Variants in MAP4K3 observed in about 807,000 individuals in gnomAD.
MAP4K3 encodes MAPK/ERK kinase kinase kinase 3.
In MAP4K3, 94 loss-of-function variants were observed where a neutral mutation model predicts 143.5. The observed-to-expected ratio is 0.65, with a 90% confidence interval of 0.55 to 0.78. MAP4K3 has a LOEUF of 0.78. Among genes scored for constraint, MAP4K3 ranks in the 30% least tolerant of loss-of-function variants. The pLI is 0.00. For synonymous variants in MAP4K3, 416 were observed against 347.2 expected (o/e 1.20, Z -2.20); for missense variants, 1,077 against 1,068.1 (o/e 1.01, Z -0.12).
chr2:39,428,374 T>C (rs543221583), intron 1 of MAP4K3, among the ~76,000 whole-genome samples: 2 of 152,338 alleles, frequency 1.3e-5, no homozygotes, highest in South Asian at 4.1e-4. Flanking sequence ...TTTTATAAGG[T>C]ATTTGTTATA....
At chr2:39,360,979 C>G (rs1186379312) in intron 2 of MAP4K3, among the ~76,000 whole-genome samples, 1 of 152,116 alleles carries the variant, frequency 6.6e-6, no homozygotes, top group African/African-American at 2.4e-5. Flanking sequence ...TGAAAAGGTC[C>G]CTTATTTCTG....
At chr2:39,287,349 A>G (rs1681834628) in intron 20 of MAP4K3, among the ~76,000 whole-genome samples, 1 of 151,262 alleles carries the variant, frequency 6.6e-6, no homozygotes, top group African/African-American at 2.4e-5. Context: ...GCTAGAGTGC[A>G]ATGGCGTGAT....
chr2:39,361,087 A>G (rs569521025), intron 2 of MAP4K3, among the ~76,000 whole-genome samples: 13 of 152,302 alleles, frequency 8.5e-5, no homozygotes, highest in African/African-American at 3.1e-4. Context: ...ATCTAATTAT[A>G]AAACTTGGTT....
At chr2:39,364,363 ATATT>A (rs1289504746) in intron 2 of MAP4K3, among the ~76,000 whole-genome samples, 1 of 152,258 alleles carries the variant, frequency 6.6e-6, no homozygotes, top group African/African-American at 2.4e-5. Context: ...ACTGTACTAA[ATATT>A]TAAATTTGTT....
chr2:39,255,909 G>C (rs1319284017), intron 31 of MAP4K3, among the ~76,000 whole-genome samples: 4 of 152,018 alleles, frequency 2.6e-5, no homozygotes, highest in African/African-American at 9.7e-5. Flanking sequence ...CTGAACCTGT[G>C]GATTAACTGA....
chr2:39,254,360 C>A (rs1680264619), intron 32 of MAP4K3, 90 bp downstream of exon 32: 1 of 1,023,226 alleles, frequency 9.8e-7, no homozygotes, highest in Non-Finnish European at 1.5e-6. Flanking sequence ...GTTAGCCAAT[C>A]AAGCATTACT....
intron 32 of MAP4K3, among the ~76,000 whole-genome samples, chr2:39,253,664 T>G: frequency 6.6e-6 from 1 of 152,196 alleles, no homozygotes; most frequent in East Asian, 1.9e-4. Context: ...TTGCTTACTT[T>G]GTTAGAAATA....
At chr2:39,261,798 C>T (rs1339912750) in intron 28 of MAP4K3, among the ~76,000 whole-genome samples, 1 of 151,986 alleles carries the variant, frequency 6.6e-6, no homozygotes, top group African/African-American at 2.4e-5. Flanking sequence ...AAAAGCCAGA[C>T]ACAAATGAAC....
At chr2:39,404,617 C>CTTTTTTTTTTTTT (rs1174319224) in intron 1 of MAP4K3, among the ~76,000 whole-genome samples, 1 of 86,144 alleles carries the variant, frequency 1.2e-5, no homozygotes, top group African/African-American at 4.7e-5. Context: ...TTCTTTCTTT[C>CTTTTTTTTTTTTT]TTTTTTTTTT....
At chr2:39,421,961 G>A (rs1349683459) in intron 1 of MAP4K3, among the ~76,000 whole-genome samples, 1 of 151,144 alleles carries the variant, frequency 6.6e-6, no homozygotes, top group African/African-American at 2.4e-5. Flanking sequence ...CTTTTATTGG[G>A]AATTACATAA....
At chr2:39,347,761 AAGAG>A (rs1463451162) in intron 3 of MAP4K3, among the ~76,000 whole-genome samples, 1 of 152,092 alleles carries the variant, frequency 6.6e-6, no homozygotes, top group Non-Finnish European at 1.5e-5. Context: ...TTAAGGAAAA[AAGAG>A]AGATGGGATT....
chr2:39,291,064 C>CA (rs1168794965), intron 18 of MAP4K3, among the ~76,000 whole-genome samples: 1 of 151,760 alleles, frequency 6.6e-6, no homozygotes, highest in African/African-American at 2.4e-5. Flanking sequence ...GACTCTGTCT[C>CA]AAAAAACAAA....
intron 4 of MAP4K3, 126 bp downstream of exon 4, chr2:39,343,262 G>C: frequency 1.7e-6 from 1 of 580,650 alleles, no homozygotes; most frequent in Non-Finnish European, 2.9e-6. Flanking sequence ...CCTTTATATA[G>C]CCAAACAATA....
At chr2:39,364,415 T>C (rs1196036582) in intron 2 of MAP4K3, among the ~76,000 whole-genome samples, 1 of 152,222 alleles carries the variant, frequency 6.6e-6, no homozygotes, top group African/African-American at 2.4e-5. Flanking sequence ...TTTACCACCA[T>C]TGATAAAAAG....
chr2:39,311,925 ATTAT>A (rs1165481901), intron 13 of MAP4K3, among the ~76,000 whole-genome samples: 3 of 152,242 alleles, frequency 2.0e-5, no homozygotes, highest in African/African-American at 4.8e-5. Context: ...ACTAAAAGGA[ATTAT>A]TTAATCAAAA....
chr2:39,263,443 T>TTC (rs1680646996), intron 28 of MAP4K3, among the ~76,000 whole-genome samples: 1 of 149,486 alleles, frequency 6.7e-6, no homozygotes, highest in Non-Finnish European at 1.5e-5. Flanking sequence ...CGGCTATTTT[T>TTC]TTTTTTTTTG....
intron 1 of MAP4K3, among the ~76,000 whole-genome samples, chr2:39,415,995 AT>A (rs1667366034): frequency 1.9e-5 from 2 of 104,352 alleles, no homozygotes; most frequent in African/African-American, 7.6e-5. Context: ...ATATATATAT[AT>A]ATATATATAA....
At chr2:39,434,086 T>C (rs1665379049) in intron 1 of MAP4K3, among the ~76,000 whole-genome samples, 1 of 152,152 alleles carries the variant, frequency 6.6e-6, no homozygotes. Context: ...AGGAAAACAT[T>C]TTCAAAATAA....
intron 8 of MAP4K3, among the ~76,000 whole-genome samples, chr2:39,328,180 A>T (rs1337658837): frequency 6.6e-6 from 1 of 152,040 alleles, no homozygotes; most frequent in Non-Finnish European, 1.5e-5. Flanking sequence ...AAAATGCAAA[A>T]ATTAGCTGGG....
Sources: gnomAD v4.1 joint callset for allele counts (sites outside exome capture counted in the v4.1 genomes callset) on GRCh38, gnomAD v4.1.1 for gene constraint, MANE v1.5 for transcripts, NCBI Gene and HGNC (gene_info 2026-07-23, HGNC 2026-07-21) for gene names.